DYNLL2: variants seen among roughly 807,000 people sequenced by gnomAD.
DYNLL2 encodes the protein dynein light chain 2, cytoplasmic.
DYNLL2 carries 1 observed loss-of-function variant against 9.7 expected under a neutral mutation model. The observed-to-expected ratio is 0.10, with a 90% CI of 0.04 to 0.49. The LOEUF (loss-of-function observed/expected upper bound fraction) is 0.49, where lower values mean the gene tolerates loss of function less well. Ranked by LOEUF, DYNLL2 falls within the 20% of genes least tolerant of loss-of-function variation. The pLI, the probability that DYNLL2 is intolerant of heterozygous loss-of-function variation, is 0.95. For missense variants in DYNLL2, 37 were observed against 115.2 expected (o/e 0.32, Z 3.11); for synonymous variants, 35 against 40.5 (o/e 0.86, Z 0.52).
At position 58,087,302 on chromosome 17, in the gene DYNLL2, G is replaced by A. The variant is rs1373100000; in HGVS notation, c.132+80G>A. Reference sequence around the variant, plus strand: ...AACCTCCAGGGAGATCTGGAGCTGGGGACATAAGAAAGCCCGTATATCCTG... The same window carrying A: ...AACCTCCAGGGAGATCTGGAGCTGGAGACATAAGAAAGCCCGTATATCCTG... On this transcript the variant is annotated intron_variant, in intron 2 of 2. Transcript: ENST00000579991. 4 of 1,575,842 alleles carry A rather than the reference G, an allele frequency of 2.5e-6. No individual in the cohort carries two copies. The African/African-American group carries it at 5.4e-5, about 21-fold the overall frequency.
intron 1 of DYNLL2, among the ~76,000 whole-genome samples, chr17:58,084,805 T>C (rs1318435932): frequency 6.6e-6 from 1 of 152,086 alleles, no homozygotes; most frequent in African/African-American, 2.4e-5. Flanking sequence ...CTTTGCTGTC[T>C]AACCAGGCCC....
intron 1 of DYNLL2, among the ~76,000 whole-genome samples, chr17:58,084,392 C>T (rs1470030879): frequency 6.6e-6 from 1 of 152,056 alleles, no homozygotes; most frequent in African/African-American, 2.4e-5. Context: ...GTTGCAAAAC[C>T]AGGAATAGAG....
intron 1 of DYNLL2, among the ~76,000 whole-genome samples, chr17:58,086,240 G>A (rs995546313): frequency 6.6e-6 from 1 of 152,224 alleles, no homozygotes; most frequent in East Asian, 1.9e-4. Flanking sequence ...GTATAGGGCA[G>A]GGGTTGGCAG....
chr17:58,092,773 T>C lies in DYNLL2; in HGVS notation c.*3494T>C, dbSNP rs934306261. The C allele has an allele frequency of 3.3e-5, 5 of 152,192 alleles. No homozygotes were observed. The highest frequency in any genetic ancestry group is 7.2e-5 in the African/African-American group (3 of 41,434). 9.4% of individuals were successfully genotyped at this position (152,192 alleles called of 1,614,324 possible). ...TAATAACCAGCATGGTAGGGAATCT[T>C]CTTTGTTGCTGTGGCACTGTCGATC... On this transcript the variant is annotated 3_prime_UTR_variant, in exon 3 of 3. Transcript: ENST00000579991.
chr17:58,085,515 G>T (rs1490515535), intron 1 of DYNLL2, among the ~76,000 whole-genome samples: 1 of 152,206 alleles, frequency 6.6e-6, no homozygotes, highest in Non-Finnish European at 1.5e-5. Context: ...TGCTTTTAGG[G>T]GTGGGATGAT....
At chr17:58,088,966 T>A (rs539156271) in intron 2 of DYNLL2, among the ~76,000 whole-genome samples, 176 bp from the exon 3 acceptor site, 1 of 151,908 alleles carries the variant, frequency 6.6e-6, no homozygotes, top group African/African-American at 2.4e-5. Flanking sequence ...AAGAGTGTCC[T>A]GGCCAGCTTT....
At position 58,091,908 on chromosome 17, in the gene DYNLL2, G is replaced by C. The variant is rs2075781580; in HGVS notation, c.*2629G>C. 1 of 152,172 alleles carries C rather than the reference G, an allele frequency of 6.6e-6. No individual in the cohort carries two copies. The highest frequency in any genetic ancestry group is 2.4e-5 in the African/African-American group (1 of 41,446). The allele number at this position is 152,172 out of a possible 1,614,324, so 9.4% of individuals were successfully genotyped here. A position where few individuals can be genotyped will look rare whatever the true frequency, so the allele number is the denominator to read the frequency against. ...AATATTTAAGAGTTCTTGTATGCTT[G>C]GGCCTAGGATGCTGTTCACAGAGGA... On this transcript the variant is annotated 3_prime_UTR_variant, in exon 3 of 3. Coordinates refer to ENST00000579991, the MANE Select transcript of DYNLL2 (RefSeq NM_080677.3).
intron 2 of DYNLL2, among the ~76,000 whole-genome samples, chr17:58,087,444 GTGTA>G (rs1326396319): frequency 3.3e-5 from 5 of 150,818 alleles, no homozygotes; most frequent in Admixed American, 3.3e-4. Flanking sequence ...GTGTGTGTGT[GTGTA>G]TGTTTACTTT....
In DYNLL2 at chr17:58,089,306, G is replaced by A. The variant is rs909411221; in HGVS notation, c.*27G>A. ...TGGCCATGGTGAAGGTGTCAGTGGC[G>A]GCGGCAGCGATGGCAAGCAGGCGGC... On this transcript the variant is annotated 3_prime_UTR_variant, in exon 3 of 3. Coordinates refer to ENST00000579991, the MANE Select transcript of DYNLL2 (RefSeq NM_080677.3). 6.2e-6 allele frequency: 10 copies of A among 1,607,048 alleles called. No individual in the cohort carries two copies. Among genetic ancestry groups the A allele is most frequent in the African/African-American group, 2.7e-5 (2 of 74,456 alleles).
chr17:58,083,491 C>G lies in DYNLL2; in HGVS notation c.-202C>G, dbSNP rs2075743592. The G allele has an allele frequency of 6.7e-6, 1 of 149,604 alleles. No homozygotes were observed. Among genetic ancestry groups the G allele is most frequent in the Non-Finnish European group, 1.5e-5 (1 of 66,966 alleles). The allele number at this position is 149,604 out of a possible 1,614,324, so 9.3% of individuals were successfully genotyped here. ...GGCGGGCGGGCGGCGTGAGGCGGAG[C>G]GCGGGCGGCCGGCGAAACTCCAAGG... On this transcript the variant is annotated 5_prime_UTR_variant, in exon 1 of 3. Coordinates refer to ENST00000579991, the MANE Select transcript of DYNLL2 (RefSeq NM_080677.3).
intron 1 of DYNLL2, among the ~76,000 whole-genome samples, chr17:58,085,080 T>C (rs1286587143): frequency 6.6e-6 from 1 of 152,202 alleles, no homozygotes; most frequent in Non-Finnish European, 1.5e-5. Context: ...TCCGAATCTT[T>C]CCTCAGCACC....
intron 1 of DYNLL2, among the ~76,000 whole-genome samples, chr17:58,084,066 A>G (rs1192513627): frequency 6.6e-6 from 1 of 151,366 alleles, no homozygotes; most frequent in Admixed American, 6.6e-5. Flanking sequence ...TCCTGCCGCC[A>G]CCGCCACCCT....
intron 2 of DYNLL2, 21 bp from the exon 3 acceptor site, chr17:58,089,121 T>C: frequency 1.2e-6 from 2 of 1,612,702 alleles, no homozygotes; most frequent in Non-Finnish European, 1.7e-6. Flanking sequence ...ACCTTTCTTC[T>C]CTACCTTTGT....
chr17:58,085,182 C>T (rs879261398), intron 1 of DYNLL2, among the ~76,000 whole-genome samples: 10 of 152,168 alleles, frequency 6.6e-5, no homozygotes, highest in Admixed American at 3.9e-4. Flanking sequence ...CTTTGCTCTG[C>T]CAGTTTCTGC....
At chr17:58,084,598 A>G (rs531722761) in intron 1 of DYNLL2, among the ~76,000 whole-genome samples, 1 of 152,070 alleles carries the variant, frequency 6.6e-6, no homozygotes. Flanking sequence ...CAGGGGTGGT[A>G]GGGGTTGGGC....
In DYNLL2 at chr17:58,090,163, C is replaced by T. The variant is rs183998145; in HGVS notation, c.*884C>T. 2.7e-6 allele frequency: 1 copy of T among 369,762 alleles called. No homozygotes were observed. Among genetic ancestry groups the T allele is most frequent in the Admixed American group, 4.6e-5 (1 of 21,722 alleles). 22.9% of individuals were successfully genotyped at this position (369,762 alleles called of 1,614,324 possible). A position where few individuals can be genotyped will look rare whatever the true frequency, so the allele number is the denominator to read the frequency against. On this transcript the variant is annotated 3_prime_UTR_variant, in exon 3 of 3. Coordinates refer to ENST00000579991, the MANE Select transcript of DYNLL2 (RefSeq NM_080677.3). ...AAGGGAATTTCTGGTGACTGTAGTT[C>T]CTTAGTTAGGTCTTAGCAATCAAAC...
intron 1 of DYNLL2, among the ~76,000 whole-genome samples, chr17:58,084,845 C>T (rs1281074128): frequency 2.0e-5 from 3 of 148,898 alleles, no homozygotes; most frequent in South Asian, 2.1e-4. Flanking sequence ...GTAAACAGTG[C>T]CCCCTTCTGA....
chr17:58,093,012 T>A lies in DYNLL2; in HGVS notation c.*3733T>A, dbSNP rs1214908764. 1 of 152,290 alleles carries A rather than the reference T, an allele frequency of 6.6e-6. No homozygotes were observed. Among genetic ancestry groups the A allele is most frequent in the Non-Finnish European group, 1.5e-5 (1 of 68,058 alleles). The allele number at this position is 152,290 out of a possible 1,614,324, so 9.4% of individuals were successfully genotyped here. Reference sequence around the variant, plus strand: ...CTGCCAACGCTTGACATATTTGTTTTTTGTTTACTTTCTGGCCTGTGACAA... The same window carrying A: ...CTGCCAACGCTTGACATATTTGTTTATTGTTTACTTTCTGGCCTGTGACAA... On this transcript the variant is annotated 3_prime_UTR_variant, in exon 3 of 3. Transcript: ENST00000579991.
At chr17:58,088,909 G>A (rs929478045) in intron 2 of DYNLL2, among the ~76,000 whole-genome samples, 1 of 152,024 alleles carries the variant, frequency 6.6e-6, no homozygotes, top group Non-Finnish European at 1.5e-5. Flanking sequence ...GAGGCTCAGG[G>A]GAGACGAATA....
Sources: allele counts gnomAD v4.1 joint callset (sites outside exome capture counted in the v4.1 genomes callset), GRCh38; gene constraint gnomAD v4.1.1; transcripts MANE v1.5; gene names NCBI Gene and HGNC (gene_info 2026-07-23, HGNC 2026-07-21).